Variants in INPP4B observed in about 807,000 individuals in gnomAD.
INPP4B encodes inositol polyphosphate-4-phosphatase type II B, also known as inositol polyphosphate 4-phosphatase type II.
Under a neutral mutation model 122.5 loss-of-function variants are expected in INPP4B, and 55 were observed. The observed-to-expected ratio is 0.45, with a 90% CI of 0.36 to 0.56. INPP4B has a LOEUF of 0.56. Ranked by LOEUF, INPP4B falls within the 20% of genes least tolerant of loss-of-function variation. The pLI is 0.00. For missense variants in INPP4B, 1,000 were observed against 1,097.7 expected, an observed-to-expected ratio of 0.91 and a Z score of 1.26; for synonymous variants, 403 against 388.7, an observed-to-expected ratio of 1.04 and a Z score of -0.43.
chr4:142,500,646 T>C (rs1471645033), intron 2 of INPP4B, among the ~76,000 whole-genome samples: 1 of 152,186 alleles, frequency 6.6e-6, no homozygotes, highest in Non-Finnish European at 1.5e-5. Context: ...CCTTGGCTAT[T>C]GTGATAATGC....
At chr4:142,820,242 G>C (rs751754280) in intron 1 of INPP4B, among the ~76,000 whole-genome samples, 4 of 152,154 alleles carry the variant, frequency 2.6e-5, no homozygotes, top group Non-Finnish European at 4.4e-5. Flanking sequence ...AGGTGTTTGG[G>C]TCATGAGGGT....
intron 3 of INPP4B, among the ~76,000 whole-genome samples, chr4:142,439,967 C>T (rs1361280922): frequency 6.6e-6 from 1 of 152,186 alleles, no homozygotes; most frequent in Non-Finnish European, 1.5e-5. Context: ...ACTTATCTCA[C>T]ATAATTTATT....
rs9654256 is a variant in INPP4B, at chr4:142,318,362, A to G, written c.373-3600T>C. ...GTCACTAAAAAATACTAAGGCCTGA[A>G]CTGATTTAGATGAGACCTCTGGGTG... On this transcript the variant is annotated intron_variant, in intron 7 of 25. Transcript: ENST00000262992. Among the ~76,000 whole-genome samples, 560 of 152,244 alleles carry G rather than the reference A, an allele frequency of 3.7e-3. 1 individual carries two copies. The highest frequency in any genetic ancestry group is 0.013 in the African/African-American group (532 of 41,554).
At chr4:142,049,599 A>T (rs1753388692) in intron 25 of INPP4B, among the ~76,000 whole-genome samples, 1 of 152,020 alleles carries the variant, frequency 6.6e-6, no homozygotes, top group Admixed American at 6.6e-5. Context: ...TGGAAGTAAA[A>T]CTGTAAAGGG....
chr4:142,787,020 TA>T, intron 1 of INPP4B, among the ~76,000 whole-genome samples: 1 of 152,260 alleles, frequency 6.6e-6, no homozygotes, highest in South Asian at 2.1e-4. Context: ...AATAATAATC[TA>T]TCAATATTTG....
At chr4:142,805,570 G>A (rs1219131057) in intron 1 of INPP4B, among the ~76,000 whole-genome samples, 1 of 152,114 alleles carries the variant, frequency 6.6e-6, no homozygotes, top group Non-Finnish European at 1.5e-5. Context: ...CCCTGAGACA[G>A]CAAGACCAAC....
intron 18 of INPP4B, among the ~76,000 whole-genome samples, chr4:142,133,331 C>T (rs1486763292): frequency 2.0e-5 from 3 of 152,166 alleles, no homozygotes; most frequent in Admixed American, 6.5e-5. Flanking sequence ...TAACTGCAAA[C>T]TTGATATCTC....
At chr4:142,649,651 G>A (rs1467134149) in intron 2 of INPP4B, among the ~76,000 whole-genome samples, 2 of 152,006 alleles carry the variant, frequency 1.3e-5, no homozygotes, top group African/African-American at 2.4e-5. Context: ...GAAGTGAGAA[G>A]AAAAGGTTAG....
rs141874467 is a variant in INPP4B, at chr4:142,235,524, C to T, written c.836+2340G>A. ...GCAAGCTCCGCCTCCCAGGTTCACA[C>T]CATTCTTCCGCCTCAGCCTCCCGAG... On this transcript the variant is annotated intron_variant, in intron 12 of 25. Coordinates refer to ENST00000262992, the MANE Select transcript of INPP4B (RefSeq NM_001101669.3). Among the ~76,000 whole-genome samples, 75 of 152,266 alleles carry T rather than the reference C, an allele frequency of 4.9e-4. 1 individual carries two copies. The highest frequency in any genetic ancestry group is 6.8e-3 in the Middle Eastern group (2 of 294).
At chr4:142,515,766 A>AGCC (rs1825343643) in intron 2 of INPP4B, among the ~76,000 whole-genome samples, 1 of 152,164 alleles carries the variant, frequency 6.6e-6, no homozygotes, top group Non-Finnish European at 1.5e-5. Context: ...AAAACCACAG[A>AGCC]GCCAGTGATG....
intron 2 of INPP4B, among the ~76,000 whole-genome samples, chr4:142,515,276 G>A (rs1825279563): frequency 1.3e-5 from 2 of 152,078 alleles, no homozygotes; most frequent in African/African-American, 2.4e-5. Context: ...TGTTTAACAT[G>A]GGATGTGGGG....
At chr4:142,405,373 CAG>C in intron 5 of INPP4B, 49 bp from the exon 6 acceptor site, 1 of 1,142,992 alleles carries the variant, frequency 8.7e-7, no homozygotes, top group Non-Finnish European at 1.3e-6. Context: ...CACCATATCT[CAG>C]GGAAAACTTC....
rs3762870 is a variant in INPP4B, at chr4:142,766,499, T to C, written c.-253-40598A>G. On this transcript the variant is annotated intron_variant, in intron 1 of 25. Coordinates refer to ENST00000262992, the MANE Select transcript of INPP4B (RefSeq NM_001101669.3). ...GATTCTCCTGCCTCAGCCTCCCGAG[T>C]AGCTGGGATTACAGCCGTGCACCAC... Among the ~76,000 whole-genome samples the C allele has an allele frequency of 8.2e-4, 124 of 151,978 alleles. 3 individuals are homozygous for C. The East Asian group carries it at 0.023, about 28-fold the overall frequency.
chr4:142,703,597 T>C (rs1762084554), intron 2 of INPP4B, among the ~76,000 whole-genome samples: 1 of 152,292 alleles, frequency 6.6e-6, no homozygotes, highest in Non-Finnish European at 1.5e-5. Flanking sequence ...TGTTTATGGG[T>C]ATATAAATAA....
intron 1 of INPP4B, among the ~76,000 whole-genome samples, chr4:142,799,821 A>T (rs2151087226): frequency 6.6e-6 from 1 of 152,090 alleles, no homozygotes; most frequent in African/African-American, 2.4e-5. Flanking sequence ...TTCTTTATGA[A>T]TATCTTTTAC....
At chr4:142,455,938 A>G (rs1815319049) in intron 3 of INPP4B, among the ~76,000 whole-genome samples, 1 of 151,936 alleles carries the variant, frequency 6.6e-6, no homozygotes, top group Admixed American at 6.6e-5. Flanking sequence ...CTTGTTTGCT[A>G]TTTGTATGTC....
chr4:142,253,980 G>C (rs1016947199), intron 11 of INPP4B, among the ~76,000 whole-genome samples: 1 of 152,146 alleles, frequency 6.6e-6, no homozygotes, highest in Non-Finnish European at 1.5e-5. Context: ...AGAGAGCAGT[G>C]GTTCTCCCAG....
At chr4:142,241,431 C>T (rs1272464257) in intron 11 of INPP4B, among the ~76,000 whole-genome samples, 1 of 152,130 alleles carries the variant, frequency 6.6e-6, no homozygotes, top group African/African-American at 2.4e-5. Context: ...GAGATGAACA[C>T]ATAGAAGGAA....
chr4:142,519,273 A>C (rs1825789222), intron 2 of INPP4B, among the ~76,000 whole-genome samples: 1 of 152,122 alleles, frequency 6.6e-6, no homozygotes, highest in Non-Finnish European at 1.5e-5. Context: ...CCCATCTGTA[A>C]AATTTCCTCA....
Sources: gnomAD v4.1 joint callset for allele counts (sites outside exome capture counted in the v4.1 genomes callset) on GRCh38, gnomAD v4.1.1 for gene constraint, MANE v1.5 for transcripts, NCBI Gene and HGNC (gene_info 2026-07-23, HGNC 2026-07-21) for gene names.